The following MSR1 variants were observed in gnomAD, a reference collection of about 807,000 sequenced individuals.
MSR1 encodes the protein macrophage scavenger receptor types I and II.
MSR1 carries 53 observed loss-of-function variants against 47.2 expected under a neutral mutation model. That is an observed-to-expected ratio of 1.12 (90% CI 0.90 to 1.41). MSR1 has a LOEUF of 1.41. MSR1 is among the 40% of genes most tolerant of loss of function. The probability of loss-of-function intolerance (pLI) is 0.00; values close to 1 mark genes in which losing one functional copy is unlikely to be tolerated. For missense variants in MSR1, 786 were observed against 546.9 expected, an observed-to-expected ratio of 1.44 and a Z score of -4.36; for synonymous variants, 239 against 185.6, an observed-to-expected ratio of 1.29 and a Z score of -2.34.
At chr8:16,187,163 G>C (rs1563173871) in intron 1 of MSR1, among the ~76,000 whole-genome samples, 1 of 151,558 alleles carries the variant, frequency 6.6e-6, no homozygotes, top group South Asian at 2.1e-4. Context: ...AGGAGTTCGA[G>C]ACCATCCTGG....
chr8:16,122,807 G>A (rs1378728291), intron 8 of MSR1, among the ~76,000 whole-genome samples: 1 of 151,488 alleles, frequency 6.6e-6, no homozygotes, highest in Non-Finnish European at 1.5e-5. Flanking sequence ...TATGCTCAAG[G>A]GATCCTGAGG....
intron 7 of MSR1, among the ~76,000 whole-genome samples, chr8:16,149,985 A>G (rs1800802932): frequency 6.6e-6 from 1 of 151,748 alleles, no homozygotes; most frequent in Non-Finnish European, 1.5e-5. Flanking sequence ...AACAGAAGTC[A>G]GTTTCAAAAA....
rs182763533 is a variant in MSR1 at position 16,170,607 on chromosome 8, C to T, written c.218-1737G>A. On this transcript the variant is annotated intron_variant, in intron 3 of 9. Transcript: ENST00000262101. ...AAAATATATGCAGCTCCACCTGAGT[C>T]TATCAATTTTCTAATAAAAGTGATA... Among the ~76,000 whole-genome samples, 6 of 152,276 alleles carry T rather than the reference C, an allele frequency of 3.9e-5. No homozygotes were observed. In the East Asian group the frequency reaches 9.7e-4, roughly 25 times the overall value.
chr8:16,188,973 T>C (rs778492963), intron 1 of MSR1, among the ~76,000 whole-genome samples: 19,471 of 122,414 alleles, frequency 0.16, 2,077 homozygotes, highest in African/African-American at 0.33. Flanking sequence ...CATACATATA[T>C]ATATATATAT....
chr8:16,121,326 G>A (rs925720172), intron 8 of MSR1: 2 of 264,816 alleles, frequency 7.6e-6, no homozygotes, highest in African/African-American at 4.6e-5. Context: ...AAGTAATTTT[G>A]TTCTGTAATG....
intron 1 of MSR1, among the ~76,000 whole-genome samples, chr8:16,182,069 AC>A (rs1801849040): frequency 6.6e-6 from 1 of 152,074 alleles, no homozygotes; most frequent in Non-Finnish European, 1.5e-5. Context: ...CAACAAACCC[AC>A]CCCAGGCTGT....
chr8:16,122,457 T>C (rs1191033589), intron 8 of MSR1, among the ~76,000 whole-genome samples: 1 of 152,134 alleles, frequency 6.6e-6, no homozygotes, highest in East Asian at 1.9e-4. Flanking sequence ...TACTCAAACA[T>C]TTGATTATAT....
intron 8 of MSR1, among the ~76,000 whole-genome samples, chr8:16,142,734 C>A (rs1800593834): frequency 1.3e-5 from 2 of 152,130 alleles, no homozygotes; most frequent in South Asian, 4.1e-4. Context: ...CTGCCTAAAA[C>A]AGACCCCTGA....
intron 9 of MSR1, among the ~76,000 whole-genome samples, chr8:16,118,317 G>A (rs1799923759): frequency 6.6e-6 from 1 of 152,074 alleles, no homozygotes; most frequent in African/African-American, 2.4e-5. Flanking sequence ...TTAGAACTGT[G>A]GGTGTCCCCT....
chr8:16,141,002 T>A, intron 8 of MSR1: 1 of 1,613,872 alleles, frequency 6.2e-7, no homozygotes. Context: ...CCACCTGATC[T>A]TAAGAGGGCC....
intron 2 of MSR1, among the ~76,000 whole-genome samples, chr8:16,176,913 C>T (rs926008789): frequency 5.3e-5 from 8 of 152,196 alleles, no homozygotes; most frequent in African/African-American, 9.6e-5. Flanking sequence ...TATGTAAGAA[C>T]TCATATATGA....
intron 4 of MSR1, among the ~76,000 whole-genome samples, chr8:16,166,164 CTTTTTTTTTT>C (rs397892292): frequency 4.2e-5 from 3 of 71,306 alleles, no homozygotes; most frequent in East Asian, 4.6e-4. Flanking sequence ...CTTTTTCTTT[CTTTTTTTTTT>C]TTTTTTTTTT....
intron 1 of MSR1, among the ~76,000 whole-genome samples, chr8:16,191,888 A>G (rs1802209481): frequency 6.6e-6 from 1 of 152,160 alleles, no homozygotes; most frequent in South Asian, 2.1e-4. Context: ...TTTATTTTTG[A>G]TAGACTTTTT....
rs118089849 is a variant in MSR1 at position 16,137,669 on chromosome 8, C to T, written c.1033+5889G>A. Among the ~76,000 whole-genome samples the T allele has an allele frequency of 5.9e-5, 9 of 152,102 alleles. No homozygotes were observed. The East Asian group carries it at 1.7e-3, about 29-fold the overall frequency. On this transcript the variant is annotated intron_variant, in intron 8 of 9. Transcript: ENST00000262101. ...GGGATAATAGTCCTTCACCCAAATG[C>T]TCTTCTGAGGATTAATGTATAATGC...
chr8:16,125,635 T>C (rs1800111277), intron 8 of MSR1, among the ~76,000 whole-genome samples: 1 of 152,070 alleles, frequency 6.6e-6, no homozygotes, highest in Non-Finnish European at 1.5e-5. Context: ...AGTACATACA[T>C]ATGTAGTAAA....
chr8:16,154,652 A>G (rs1344996738), intron 6 of MSR1, among the ~76,000 whole-genome samples: 1 of 151,980 alleles, frequency 6.6e-6, no homozygotes, highest in Non-Finnish European at 1.5e-5. Context: ...TAAAAATGAG[A>G]TAGCTTGCAA....
chr8:16,129,090 A>C (rs1263494371), intron 8 of MSR1, among the ~76,000 whole-genome samples: 1 of 152,170 alleles, frequency 6.6e-6, no homozygotes, highest in African/African-American at 2.4e-5. Flanking sequence ...AATCATATGA[A>C]GTTTTAGTGA....
intron 7 of MSR1, among the ~76,000 whole-genome samples, chr8:16,146,554 G>T (rs1800704507): frequency 6.6e-6 from 1 of 151,988 alleles, no homozygotes; most frequent in South Asian, 2.1e-4. Flanking sequence ...CTGAACAATG[G>T]CAACATCCCC....
intron 9 of MSR1, among the ~76,000 whole-genome samples, chr8:16,118,051 C>T (rs927661649): frequency 6.6e-6 from 1 of 152,148 alleles, no homozygotes; most frequent in African/African-American, 2.4e-5. Flanking sequence ...TAAATACAGA[C>T]TTGTCAGATC....
Sources: gnomAD v4.1 joint callset for allele counts (sites outside exome capture counted in the v4.1 genomes callset) on GRCh38, gnomAD v4.1.1 for gene constraint, MANE v1.5 for transcripts, NCBI Gene and HGNC (gene_info 2026-07-23, HGNC 2026-07-21) for gene names.